Variants in IL17RA observed in about 807,000 individuals in gnomAD.
IL17RA encodes the protein interleukin-17 receptor A.
A neutral mutation model predicts 50.4 loss-of-function variants in IL17RA; 34 were observed. The ratio of observed to expected loss-of-function variants is 0.67; its 90% CI spans 0.51 to 0.90. The LOEUF is 0.90. IL17RA is among the 40% of genes least tolerant of loss of function. IL17RA has a pLI of 0.00. For missense variants in IL17RA, 1,276 were observed against 1,169.8 expected (o/e 1.09, Z -1.32); for synonymous variants, 585 against 510.4 (o/e 1.15, Z -1.97).
At chr22:17,086,170 C>G (rs1287561927) in intron 1 of IL17RA, among the ~76,000 whole-genome samples, 1 of 152,120 alleles carries the variant, frequency 6.6e-6, no homozygotes, top group African/African-American at 2.4e-5. Flanking sequence ...ACGCCGTGCC[C>G]CTCCACAATA....
intron 12 of IL17RA, 93 bp downstream of exon 12, chr22:17,107,861 T>C: frequency 8.9e-7 from 1 of 1,119,368 alleles, no homozygotes; most frequent in African/African-American, 1.5e-5. Context: ...GTGCTCTAAC[T>C]CCCAAGTCCC....
chr22:17,106,073 T>C (rs914393741), intron 11 of IL17RA, 119 bp downstream of exon 11: 11 of 785,406 alleles, frequency 1.4e-5, no homozygotes, highest in African/African-American at 8.5e-5. Flanking sequence ...AACCACGTCA[T>C]AAAGCTGTTG....
At position 17,097,932 on chromosome 22, in the gene IL17RA, T is replaced by G; in HGVS notation, c.299T>G (p.Leu100Arg). 6.2e-7 allele frequency: 1 copy of G among 1,614,094 alleles called. No homozygotes were observed. Among genetic ancestry groups the G allele is most frequent in the Non-Finnish European group, 8.5e-7 (1 of 1,180,032 alleles). The change falls in exon 3 of 13, where the codon CTG (leucine) becomes CGG (arginine). Residue 100 changes from leucine to arginine, a missense_variant. Physicochemically the swap from Leu to Arg is moderately radical, Grantham distance 102. Coordinates refer to ENST00000319363, the MANE Select transcript of IL17RA (RefSeq NM_014339.7). ...LFPVAHIEWT[L>R]QTDASILYLE... ...CCCGTGGCTCACATCGAATGGACAC[T>G]GCAGACAGACGGTGAGTGGGCATGC...
chr22:17,094,006 C>T (rs928020404), intron 1 of IL17RA: 2 of 63,308 alleles, frequency 3.2e-5, no homozygotes, highest in African/African-American at 7.7e-5. Context: ...TTTATTTAGA[C>T]AGAGTCTCGC....
At chr22:17,086,304 T>C (rs2061327655) in intron 1 of IL17RA, among the ~76,000 whole-genome samples, 2 of 151,824 alleles carry the variant, frequency 1.3e-5, no homozygotes, top group Admixed American at 1.3e-4. Context: ...AACAAAGGGA[T>C]ATTTCTCCTT....
chr22:17,110,000 C>G lies in IL17RA; in HGVS notation c.*180C>G. On this transcript the variant is annotated 3_prime_UTR_variant, in exon 13 of 13. Coordinates refer to ENST00000319363, the MANE Select transcript of IL17RA (RefSeq NM_014339.7). ...TCCTAACTTTTCTTTGTGCAGCGGTCTGGTTATCGTCTATCCCCAGGGGAA... is the reference window on the plus strand; with the variant it reads ...TCCTAACTTTTCTTTGTGCAGCGGTGTGGTTATCGTCTATCCCCAGGGGAA... 3.0e-6 allele frequency: 2 copies of G among 668,388 alleles called. No homozygotes were observed. The highest frequency in any genetic ancestry group is 2.8e-5 in the Admixed American group (1 of 35,290). The allele number at this position is 668,388 out of a possible 1,614,324, so 41.4% of individuals were successfully genotyped here.
In IL17RA at chr22:17,098,779, C is replaced by T. The variant is rs1235911556; in HGVS notation, c.315C>T (p.Ser105=). 6 of 1,613,556 alleles carry T rather than the reference C, an allele frequency of 3.7e-6. No individual in the cohort carries two copies. The highest frequency in any genetic ancestry group is 5.1e-6 in the Non-Finnish European group (6 of 1,179,564). ...TCTCTTCTCCCTCTCCTGCAGCCAGCATCCTGTACCTCGAGGGTGCAGAGT... is the reference window on the plus strand; with the variant it reads ...TCTCTTCTCCCTCTCCTGCAGCCAGTATCCTGTACCTCGAGGGTGCAGAGT... ...HIEWTLQTDA[S]ILYLEGAELS... is the part of the protein sequence containing the mutation. The change falls in exon 4 of 13, where the codon AGC becomes AGT. Residue 105 remains serine, a synonymous_variant. Transcript: ENST00000319363.
intron 1 of IL17RA, among the ~76,000 whole-genome samples, chr22:17,096,567 T>C (rs1360538630): frequency 2.0e-5 from 3 of 152,098 alleles, no homozygotes; most frequent in Non-Finnish European, 4.4e-5. Context: ...TCATAGCAGT[T>C]CCTCATAAAA....
chr22:17,085,247 G>A lies in IL17RA; in HGVS notation c.138+18G>A. The A allele has an allele frequency of 6.5e-7, 1 of 1,537,918 alleles. No individual in the cohort carries two copies. On this transcript the variant is annotated intron_variant, in intron 1 of 12. Coordinates refer to ENST00000319363, the MANE Select transcript of IL17RA (RefSeq NM_014339.7). Reference sequence around the variant, plus strand: ...CCCAGCCGGTGAGACTCGACGTGGGGAGCGGTAGCCGCCAGGATGCTGCGG... The same window carrying A: ...CCCAGCCGGTGAGACTCGACGTGGGAAGCGGTAGCCGCCAGGATGCTGCGG...
chr22:17,101,472 G>C (rs185387468), intron 5 of IL17RA, among the ~76,000 whole-genome samples: 1 of 152,166 alleles, frequency 6.6e-6, no homozygotes, highest in Non-Finnish European at 1.5e-5. Flanking sequence ...CTTCTACTGG[G>C]TTGCAATCTC....
chr22:17,108,640 C>A lies in IL17RA; in HGVS notation c.1421C>A (p.Pro474His). ...PVRLRCDHGK[P>H]VGDLFTAAMN... ...CGGCTGCGCTGCGACCACGGAAAGCCCGTGGGGGACCTGTTCACTGCAGCC... is the reference window on the plus strand; with the variant it reads ...CGGCTGCGCTGCGACCACGGAAAGCACGTGGGGGACCTGTTCACTGCAGCC... Residue 474 changes from proline to histidine, a missense_variant, in exon 13 of 13, where the codon CCC becomes CAC. Physicochemically the swap from Pro to His is moderately conservative, Grantham distance 77 (BLOSUM62 -2). Coordinates refer to ENST00000319363, the MANE Select transcript of IL17RA (RefSeq NM_014339.7). 1 of 1,606,068 alleles carries A rather than the reference C, an allele frequency of 6.2e-7. No individual in the cohort carries two copies.
In IL17RA at chr22:17,105,606, A is replaced by T; in HGVS notation, c.943+4A>T. The stretch of plus-strand genomic sequence containing the variant: ...CTCATTGCAGAACCAATTCCGGGTA[A>T]GCTTGGATCTCTCTCCGACAGCACT... On this transcript the variant is annotated splice_donor_region_variant and intron_variant, in intron 10 of 12. Transcript: ENST00000319363. 1 of 1,613,404 alleles carries T rather than the reference A, an allele frequency of 6.2e-7. No homozygotes were observed. The highest frequency in any genetic ancestry group is 8.5e-7 in the Non-Finnish European group (1 of 1,179,338).
In IL17RA at chr22:17,100,192, CAA is replaced by C. The variant is rs910263081; in HGVS notation, c.424-161_424-160del. 2.2e-5 allele frequency among the ~76,000 whole-genome samples: 3 copies of C among 135,548 alleles called. No homozygotes were observed. In the Admixed American group the frequency reaches 2.3e-4, roughly 10 times the overall value. 88.9% of individuals were successfully genotyped at this position (135,548 alleles called of 152,430 possible). ...AGAAAGGACCAGAGGAAACAAAAAACAAAGATACTGATTTCCCTGACCTTGGA... is the reference window on the plus strand; with the variant it reads ...AGAAAGGACCAGAGGAAACAAAAAACAGATACTGATTTCCCTGACCTTGGA... On this transcript the variant is annotated intron_variant, in intron 4 of 12. Coordinates refer to ENST00000319363, the MANE Select transcript of IL17RA (RefSeq NM_014339.7).
At position 17,108,969 on chromosome 22, in the gene IL17RA, T is replaced by G. The variant is rs749675456; in HGVS notation, c.1750T>G (p.Trp584Gly). Residue 584 changes from tryptophan (W) to glycine (G), a missense_variant, in exon 13 of 13, where the codon TGG becomes GGG. Physicochemically the swap from Trp to Gly is radical, Grantham distance 184. Transcript: ENST00000319363. The stretch of plus-strand genomic sequence containing the variant: ...GGACTGGCAGGTCCGCTGTCCCGAC[T>G]GGTTCGAATGTGAGAACCTCTACTC... Reference protein sequence around the residue: ...FRDWQVRCPDWFECENLYSAD... With the variant: ...FRDWQVRCPDGFECENLYSAD... 6.2e-7 allele frequency: 1 copy of G among 1,605,750 alleles called. No individual in the cohort carries two copies. The highest frequency in any genetic ancestry group is 8.5e-7 in the Non-Finnish European group (1 of 1,178,952).
At chr22:17,097,298 G>A in intron 2 of IL17RA, 1 of 624,226 alleles carries the variant, frequency 1.6e-6, no homozygotes, top group Non-Finnish European at 2.9e-6. Flanking sequence ...AGGAGAAACA[G>A]AACTGTCATT....
Position 17,108,672 on chromosome 22 carries a change from A to G in IL17RA, c.1453A>G (p.Met485Val), listed in dbSNP as rs2061424795. Reference sequence around the variant, plus strand: ...GGACCTGTTCACTGCAGCCATGAACATGATCCTCCCGGACTTCAAGAGGCC... The same window carrying G: ...GGACCTGTTCACTGCAGCCATGAACGTGATCCTCCCGGACTTCAAGAGGCC... Reference protein sequence around the residue: ...VGDLFTAAMNMILPDFKRPAC... With the variant: ...VGDLFTAAMNVILPDFKRPAC... The change falls in exon 13 of 13, where the codon ATG becomes GTG. Residue 485 changes from methionine (M) to valine (V), a missense_variant. Physicochemically the swap from Met to Val is conservative, Grantham distance 21. Coordinates refer to ENST00000319363, the MANE Select transcript of IL17RA (RefSeq NM_014339.7). The G allele has an allele frequency of 1.2e-6, 2 of 1,608,340 alleles. No homozygotes were observed. Among genetic ancestry groups the G allele is most frequent in the East Asian group, 2.2e-5 (1 of 44,874 alleles).
At chr22:17,085,395 G>C in intron 1 of IL17RA, 166 bp downstream of exon 1, 2 of 902,082 alleles carry the variant, frequency 2.2e-6, no homozygotes, top group Non-Finnish European at 2.7e-6. Flanking sequence ...CGCGGCGCCT[G>C]GGGAGGACCC....
In IL17RA at chr22:17,108,952, A is replaced by C; in HGVS notation, c.1733A>C (p.Gln578Pro). The change falls in exon 13 of 13, where the codon CAG becomes CCG. Residue 578 changes from glutamine to proline, a missense_variant. Gln to Pro is a moderately conservative substitution (Grantham distance 76, BLOSUM62 -1). Coordinates refer to ENST00000319363, the MANE Select transcript of IL17RA (RefSeq NM_014339.7). The stretch of plus-strand genomic sequence containing the variant: ...GCCCTGGACAGGTTCCGGGACTGGC[A>C]GGTCCGCTGTCCCGACTGGTTCGAA... Reference protein sequence around the residue: ...RAALDRFRDWQVRCPDWFECE... With the variant: ...RAALDRFRDWPVRCPDWFECE... The C allele has an allele frequency of 6.2e-7, 1 of 1,609,204 alleles. No homozygotes were observed. Among genetic ancestry groups the C allele is most frequent in the Non-Finnish European group, 8.5e-7 (1 of 1,179,224 alleles).
At chr22:17,105,809 G>A (rs563873123) in intron 10 of IL17RA, 44 bp from the exon 11 acceptor site, 28 of 1,544,678 alleles carry the variant, frequency 1.8e-5, no homozygotes, top group Non-Finnish European at 2.4e-5. Flanking sequence ...AGGGTGGGCA[G>A]GGCAGGCCCC....
Sources: allele counts gnomAD v4.1 joint callset (sites outside exome capture counted in the v4.1 genomes callset), GRCh38; gene constraint gnomAD v4.1.1; transcripts MANE v1.5; gene names NCBI Gene and HGNC (gene_info 2026-07-23, HGNC 2026-07-21).